BTBD10: variants seen among roughly 807,000 people sequenced by gnomAD.
BTBD10 encodes the protein BTB domain containing 10, also known as BTB/POZ domain-containing protein 10.
Under a neutral mutation model 53.2 loss-of-function variants are expected in BTBD10, and 21 were observed. The observed-to-expected ratio is 0.39, with a 90% CI of 0.28 to 0.57. The LOEUF (loss-of-function observed/expected upper bound fraction) is 0.57. Ranked by LOEUF, BTBD10 falls within the 20% of genes least tolerant of loss-of-function variation. BTBD10 has a pLI of 0.53. For synonymous variants in BTBD10, 149 were observed against 192.7 expected (o/e 0.77, Z 1.88); for missense variants, 360 against 594.7 (o/e 0.61, Z 4.10).
intron 6 of BTBD10, among the ~76,000 whole-genome samples, chr11:13,411,844 T>C (rs1441130862): frequency 6.6e-6 from 1 of 152,028 alleles, no homozygotes; most frequent in African/African-American, 2.4e-5. Flanking sequence ...TTTTTTTTTT[T>C]TTTTGAGATG....
At chr11:13,441,212 A>G (rs1477171870) in intron 2 of BTBD10, among the ~76,000 whole-genome samples, 1 of 152,160 alleles carries the variant, frequency 6.6e-6, no homozygotes, top group Non-Finnish European at 1.5e-5. Context: ...CCATGTTCAG[A>G]CTAGTTTCTT....
At chr11:13,399,238 GTTCGT>G (rs1362706975) in intron 8 of BTBD10, among the ~76,000 whole-genome samples, 1 of 152,132 alleles carries the variant, frequency 6.6e-6, no homozygotes, top group Non-Finnish European at 1.5e-5. Context: ...TGGAGGCTTT[GTTCGT>G]TTCTTTTTAT....
intron 2 of BTBD10, among the ~76,000 whole-genome samples, chr11:13,430,974 T>TACACATACAC (rs1950436811): frequency 6.9e-6 from 1 of 144,384 alleles, no homozygotes; most frequent in Non-Finnish European, 1.5e-5. Flanking sequence ...TGGAGATACA[T>TACACATACAC]ACACACACAC....
Position 13,460,340 on chromosome 11 carries a change from C to T in BTBD10, c.-58+2752G>A, listed in dbSNP as rs368752650. Reference sequence around the variant, plus strand: ...AAAATTCTCTCCCTTACCTAACTTCCTCTCTCACCCTTATCCCAAGTGAAG... The same window carrying T: ...AAAATTCTCTCCCTTACCTAACTTCTTCTCTCACCCTTATCCCAAGTGAAG... On this transcript the variant is annotated intron_variant, in intron 1 of 8. Coordinates refer to ENST00000278174, the MANE Select transcript of BTBD10 (RefSeq NM_032320.7). Among the ~76,000 whole-genome samples, 45 of 152,206 alleles carry T rather than the reference C, an allele frequency of 3.0e-4. No individual in the cohort carries two copies. The East Asian group carries it at 8.7e-3, about 29-fold the overall frequency.
chr11:13,388,973 G>A lies in BTBD10; in HGVS notation c.1286C>T (p.Ala429Val), dbSNP rs1450069309. ...CTGGGGAATGTCTGCTGCAGCTGCT[G>A]CAAGATTGGTGATAGATTTACTCTT... Reference protein sequence around the residue: ...CVKSKSITNLAAAAADIPQDQ... With the variant: ...CVKSKSITNLVAAAADIPQDQ... Residue 429 changes from alanine (A) to valine (V), a missense_variant, in exon 9 of 9, where the codon GCA becomes GTA. Ala to Val is a moderately conservative substitution (Grantham distance 64). Transcript: ENST00000278174. 1 of 1,614,146 alleles carries A rather than the reference G, an allele frequency of 6.2e-7. No homozygotes were observed. The highest frequency in any genetic ancestry group is 8.5e-7 in the Non-Finnish European group (1 of 1,180,026).
chr11:13,397,055 T>C (rs1949570434), intron 8 of BTBD10, among the ~76,000 whole-genome samples: 1 of 152,248 alleles, frequency 6.6e-6, no homozygotes, highest in Admixed American at 6.5e-5. Context: ...GCTGGCCTCA[T>C]AAAATGAGTT....
chr11:13,420,861 CTAATT>C (rs980824586), intron 3 of BTBD10, among the ~76,000 whole-genome samples: 3 of 152,156 alleles, frequency 2.0e-5, no homozygotes, highest in African/African-American at 7.2e-5. Context: ...ACTGTCAACT[CTAATT>C]TATACTTTTG....
intron 1 of BTBD10, among the ~76,000 whole-genome samples, chr11:13,453,618 T>C (rs1362607816): frequency 6.6e-6 from 1 of 152,222 alleles, no homozygotes; most frequent in African/African-American, 2.4e-5. Context: ...TCACTACATA[T>C]GCATTGATAG....
chr11:13,425,076 CAT>C (rs1386277905), intron 2 of BTBD10, among the ~76,000 whole-genome samples: 1 of 152,038 alleles, frequency 6.6e-6, no homozygotes, highest in Non-Finnish European at 1.5e-5. Flanking sequence ...ACCAGTCACA[CAT>C]GTGAGGACAC....
At chr11:13,424,401 A>G (rs1297073380) in intron 2 of BTBD10, among the ~76,000 whole-genome samples, 2 of 152,254 alleles carry the variant, frequency 1.3e-5, no homozygotes, top group African/African-American at 4.8e-5. Flanking sequence ...AAAAGGTGTC[A>G]TAATACACTT....
At chr11:13,392,492 G>A (rs1949434967) in intron 8 of BTBD10, among the ~76,000 whole-genome samples, 1 of 152,002 alleles carries the variant, frequency 6.6e-6, no homozygotes, top group South Asian at 2.1e-4. Context: ...TCAAATGGAG[G>A]ACAGCCATGA....
chr11:13,400,279 T>G (rs1425357444), intron 8 of BTBD10, among the ~76,000 whole-genome samples: 1 of 152,212 alleles, frequency 6.6e-6, no homozygotes, highest in African/African-American at 2.4e-5. Context: ...GCTGCCACCT[T>G]GCAGTTTGAT....
At chr11:13,398,400 T>C (rs1223852110) in intron 8 of BTBD10, among the ~76,000 whole-genome samples, 1 of 152,180 alleles carries the variant, frequency 6.6e-6, no homozygotes, top group East Asian at 1.9e-4. Context: ...GCTTGGTAGA[T>C]CTTCCTCCAT....
chr11:13,428,773 T>A lies in BTBD10; in HGVS notation c.102-6935A>T, dbSNP rs903122235. Among the ~76,000 whole-genome samples, 6 of 152,124 alleles carry A rather than the reference T, an allele frequency of 3.9e-5. No individual in the cohort carries two copies. In the East Asian group the frequency reaches 5.8e-4, roughly 15 times the overall value. On this transcript the variant is annotated intron_variant, in intron 2 of 8. Transcript: ENST00000278174. The stretch of plus-strand genomic sequence containing the variant: ...CTGTCACTTTTCTTCAACAATGTAC[T>A]GAGGATTATAGCCAGTGCAATATGG...
intron 7 of BTBD10, chr11:13,405,280 AT>A (rs1949796610): frequency 6.4e-6 from 1 of 157,420 alleles, no homozygotes; most frequent in East Asian, 1.9e-4. Flanking sequence ...AAAAAAACTC[AT>A]TTTTTAAACA....
At chr11:13,434,198 T>C (rs550786939) in intron 2 of BTBD10, among the ~76,000 whole-genome samples, 2 of 152,282 alleles carry the variant, frequency 1.3e-5, no homozygotes, top group East Asian at 3.9e-4. Context: ...TAAAATCCCA[T>C]TGCAGCAGCA....
chr11:13,445,256 G>C (rs904736612), intron 1 of BTBD10, 75 bp from the exon 2 acceptor site: 1 of 510,416 alleles, frequency 2.0e-6, no homozygotes, highest in African/African-American at 1.9e-5. Flanking sequence ...GTACAGACTT[G>C]ATATTATTGT....
chr11:13,440,995 C>G (rs1950638074), intron 2 of BTBD10, among the ~76,000 whole-genome samples: 1 of 152,138 alleles, frequency 6.6e-6, no homozygotes, highest in Non-Finnish European at 1.5e-5. Context: ...CTTCAGCAGG[C>G]TACCAAACTG....
At chr11:13,403,313 A>C in intron 7 of BTBD10, 35 bp from the exon 8 acceptor site, 1 of 1,190,806 alleles carries the variant, frequency 8.4e-7, no homozygotes. Context: ...TTGTATTAAA[A>C]TTAAAGGATT....
Sources: allele counts gnomAD v4.1 joint callset (sites outside exome capture counted in the v4.1 genomes callset), GRCh38; gene constraint gnomAD v4.1.1; transcripts MANE v1.5; gene names NCBI Gene and HGNC (gene_info 2026-07-23, HGNC 2026-07-21).